Variants in DKC1 observed in about 807,000 individuals in gnomAD.
The protein encoded by DKC1 is H/ACA ribonucleoprotein complex subunit DKC1.
DKC1 carries 4 observed loss-of-function variants against 46.7 expected under a neutral mutation model. The observed-to-expected ratio is 0.09, with a 90% CI of 0.04 to 0.20. DKC1 has a LOEUF of 0.20. Ranked by LOEUF, DKC1 falls within the 10% of genes least tolerant of loss-of-function variation. DKC1 has a pLI of 1.00. For synonymous variants in DKC1, 141 were observed against 142.4 expected (o/e 0.99, Z 0.07); for missense variants, 171 against 404.2 (o/e 0.42, Z 4.95).
chrX:154,763,240 G>C (rs1051676808), intron 1 of DKC1, among the ~76,000 whole-genome samples: 54 of 112,447 alleles, frequency 4.8e-4, no homozygotes, highest in African/African-American at 1.6e-3. Flanking sequence ...GCCGTCGAAA[G>C]ACATCTGCCG....
chrX:154,774,935 A>G, intron 12 of DKC1: 1 of 570,852 alleles, frequency 1.8e-6, no homozygotes, highest in East Asian at 3.3e-5. Flanking sequence ...GGACCACAGG[A>G]ACCAGCTCTT....
chrX:154,771,928 C>G (rs1414375077), intron 10 of DKC1, among the ~76,000 whole-genome samples: 1 of 111,913 alleles, frequency 8.9e-6, no homozygotes, highest in Non-Finnish European at 1.9e-5. Flanking sequence ...CGAGGAACCT[C>G]CAAACTGTTC....
At position 154,763,039 on chromosome X, in the gene DKC1, G is replaced by T. The variant is rs374170960; in HGVS notation, c.16+58G>T. On this transcript the variant is annotated intron_variant, in intron 1 of 14. Coordinates refer to ENST00000369550, the MANE Select transcript of DKC1 (RefSeq NM_001363.5). The stretch of plus-strand genomic sequence containing the variant: ...TCCGGGCGACTCGGGGAACGGGGGT[G>T]GGGGGATGGTATCGGGGCCCGCGCA... The T allele has an allele frequency of 5.2e-5, 59 of 1,138,689 alleles. No homozygotes were observed. The Admixed American group carries it at 1.5e-3, about 29-fold the overall frequency. The allele number at this position is 1,138,689 out of a possible 1,213,427, so 93.8% of individuals were successfully genotyped here.
intron 10 of DKC1, 62 bp from the exon 11 acceptor site, chrX:154,773,069 G>A: frequency 2.5e-6 from 2 of 799,907 alleles, no homozygotes; most frequent in East Asian, 3.2e-5. Context: ...TAGAATTGGG[G>A]CTCATCAATT....
chrX:154,770,552 G>A (rs1275296400), intron 9 of DKC1, among the ~76,000 whole-genome samples: 4 of 109,343 alleles, frequency 3.7e-5, no homozygotes, highest in African/African-American at 1.0e-4. Context: ...CTTTTGAGTC[G>A]TGTGTAATGT....
rs1278788131 is a variant in DKC1, at chrX:154,777,535, G to T, written c.*668G>T. On this transcript the variant is annotated 3_prime_UTR_variant, in exon 15 of 15. Transcript: ENST00000369550. ...AAAATGAAATTGTTCATTGCTGGGA[G>T]AAGAATGTTGTAATTTTTACTTATT... is the stretch of plus-strand genomic sequence containing the variant. 3 of 112,408 alleles carry T rather than the reference G, an allele frequency of 2.7e-5. No homozygotes were observed. The highest frequency in any genetic ancestry group is 5.6e-5 in the Non-Finnish European group (3 of 53,330). 9.3% of individuals were successfully genotyped at this position (112,408 alleles called of 1,213,427 possible).
At chrX:154,768,266 T>C in intron 7 of DKC1, 36 bp from the exon 8 acceptor site, 2 of 1,209,967 alleles carry the variant, frequency 1.7e-6, no homozygotes, top group Non-Finnish European at 2.2e-6. Context: ...GTATTTACAG[T>C]AGGTGCTGCT....
At chrX:154,763,108 C>T (rs1293102371) in intron 1 of DKC1, 127 bp downstream of exon 1, 2 of 867,248 alleles carry the variant, frequency 2.3e-6, no homozygotes, top group East Asian at 3.5e-5. Flanking sequence ...TCTTCACCGC[C>T]CGGCCTTAAG....
rs1179250308 is a variant in DKC1 at position 154,767,527 on chromosome X, CTT to C, written c.640+148_640+149del. ...GTCTGTGGGCGATAGTTTTTGTTAT[CTT>C]TTGTTGAAAAAGTGAACAGTGCCTA... On this transcript the variant is annotated intron_variant, in intron 7 of 14. Coordinates refer to ENST00000369550, the MANE Select transcript of DKC1 (RefSeq NM_001363.5). 3 of 728,792 alleles carry C rather than the reference CTT, an allele frequency of 4.1e-6. No homozygotes were observed. In the African/African-American group the frequency reaches 6.4e-5, roughly 15 times the overall value. 60.1% of individuals were successfully genotyped at this position (728,792 alleles called of 1,213,427 possible). A position where few individuals can be genotyped will look rare whatever the true frequency, so the allele number is the denominator to read the frequency against.
At chrX:154,773,040 T>C in intron 10 of DKC1, 91 bp from the exon 11 acceptor site, 1 of 640,237 alleles carries the variant, frequency 1.6e-6, no homozygotes, top group Non-Finnish European at 2.5e-6. Flanking sequence ...TTTAAAAGTT[T>C]TAAAGTGGCA....
In DKC1 at chrX:154,776,928, C is replaced by A; in HGVS notation, c.*61C>A. 1 of 980,082 alleles carries A rather than the reference C, an allele frequency of 1.0e-6. No individual in the cohort carries two copies. Among genetic ancestry groups the A allele is most frequent in the Non-Finnish European group, 1.4e-6 (1 of 705,654 alleles). 80.8% of individuals were successfully genotyped at this position (980,082 alleles called of 1,213,427 possible). ...CTTATTGAGAAAACATGTTATAGAT[C>A]CTTTTGTTGCTGAGAGAGTGGAACA... On this transcript the variant is annotated 3_prime_UTR_variant, in exon 15 of 15. Transcript: ENST00000369550.
chrX:154,766,120 G>A (rs2071742278), intron 4 of DKC1, 96 bp from the exon 5 acceptor site: 6 of 1,014,453 alleles, frequency 5.9e-6, no homozygotes, highest in East Asian at 3.0e-5. Context: ...ACCTGTACCC[G>A]CAGTGAATTA....
rs1317061888 is a variant in DKC1 at position 154,773,028 on chromosome X, GTT to G, written c.1037-100_1037-99del. 7 of 565,697 alleles carry G rather than the reference GTT, an allele frequency of 1.2e-5. No individual in the cohort carries two copies. In the East Asian group the frequency reaches 1.7e-4, roughly 14 times the overall value. The allele number at this position is 565,697 out of a possible 1,213,427, so 46.6% of individuals were successfully genotyped here. A position where few individuals can be genotyped will look rare whatever the true frequency, so the allele number is the denominator to read the frequency against. ...ACCCCAATTAAAGTAGTAGCTCAGA[GTT>G]TTAAAAGTTTTAAAGTGGCATACAA... On this transcript the variant is annotated intron_variant, in intron 10 of 14. Coordinates refer to ENST00000369550, the MANE Select transcript of DKC1 (RefSeq NM_001363.5).
rs782763826 is a variant in DKC1, at chrX:154,766,365, G to A, written c.413G>A (p.Arg138Gln). 1 of 1,208,614 alleles carries A rather than the reference G, an allele frequency of 8.3e-7. No homozygotes were observed. Among genetic ancestry groups the A allele is most frequent in the South Asian group, 1.8e-5 (1 of 56,720 alleles). Reference protein sequence around the residue: ...VTGCLIVCIERATRLVKSQQS... With the variant: ...VTGCLIVCIEQATRLVKSQQS... The stretch of plus-strand genomic sequence containing the variant: ...GGTTGTTTAATCGTGTGCATAGAAC[G>A]AGCCACTCGCTTGGTGAAGTCACAA... The change falls in exon 5 of 15, where the codon CGA (arginine) becomes CAA (glutamine). Residue 138 changes from arginine to glutamine, a missense_variant. Transcript: ENST00000369550.
intron 10 of DKC1, 47 bp from the exon 11 acceptor site, chrX:154,773,084 A>G (rs1557265100): frequency 2.2e-6 from 2 of 910,482 alleles, no homozygotes; most frequent in Non-Finnish European, 1.6e-6. Context: ...TCAATTATCA[A>G]TTCTTTCACC....
At chrX:154,766,437 A>C in intron 5 of DKC1, 37 bp downstream of exon 5, 1 of 1,130,268 alleles carries the variant, frequency 8.8e-7, no homozygotes. Flanking sequence ...GGCTAGAGTG[A>C]AAAGCTTTCT....
intron 3 of DKC1, 37 bp from the exon 4 acceptor site, chrX:154,765,870 A>G: frequency 1.9e-6 from 2 of 1,054,666 alleles, no homozygotes; most frequent in Non-Finnish European, 2.7e-6. Flanking sequence ...TGCTCACGAC[A>G]TGGTATTTTG....
chrX:154,773,893 C>T (rs1557265277), intron 11 of DKC1, among the ~76,000 whole-genome samples: 1 of 111,582 alleles, frequency 9.0e-6, no homozygotes, highest in Non-Finnish European at 1.9e-5. Context: ...CAGAGGCGCC[C>T]CTCACCTCCC....
intron 1 of DKC1, among the ~76,000 whole-genome samples, chrX:154,763,271 C>T (rs2071703870): frequency 8.9e-6 from 1 of 112,433 alleles, no homozygotes; most frequent in Non-Finnish European, 1.9e-5. Context: ...CCCGCGGTGG[C>T]GTGGGACGTG....
Sources: gnomAD v4.1 joint callset for allele counts (sites outside exome capture counted in the v4.1 genomes callset) on GRCh38, gnomAD v4.1.1 for gene constraint, MANE v1.5 for transcripts, NCBI Gene and HGNC (gene_info 2026-07-23, HGNC 2026-07-21) for gene names.